Variants in LIPI observed in about 807,000 individuals in gnomAD.
The protein encoded by LIPI is lipase member I.
A neutral mutation model predicts 50.6 loss-of-function variants in LIPI; 59 were observed. That is an observed-to-expected ratio of 1.16 (90% CI 0.94 to 1.45). The LOEUF (loss-of-function observed/expected upper bound fraction) is 1.45, where lower values mean the gene tolerates loss of function less well. Ranked by LOEUF, LIPI falls within the 40% of genes most tolerant of loss-of-function variation. The probability of loss-of-function intolerance (pLI) is 0.00; values close to 1 mark genes in which losing one functional copy is unlikely to be tolerated. For missense variants in LIPI, 586 were observed against 536.3 expected (o/e 1.09, Z -0.92); for synonymous variants, 203 against 178.2 (o/e 1.14, Z -1.11).
rs763218560 is a variant in LIPI, at chr21:14,113,469, T to C, written c.1296-4389A>G. Among the ~76,000 whole-genome samples the C allele has an allele frequency of 8.7e-4, 132 of 152,148 alleles. 11 individuals are homozygous for C. Among genetic ancestry groups the C allele is most frequent in the Non-Finnish European group, 1.3e-4 (9 of 68,018 alleles). ...GAAAAAATCAGTGAACTTGATAACA[T>C]AGCAACAGAAACTATTCAAAATAAA... On this transcript the variant is annotated intron_variant, in intron 9 of 9. Transcript: ENST00000681601.
chr21:14,171,862 A>G (rs1413335189), intron 4 of LIPI, among the ~76,000 whole-genome samples: 1 of 149,978 alleles, frequency 6.7e-6, no homozygotes, highest in Non-Finnish European at 1.5e-5. Flanking sequence ...CAAAATTGAG[A>G]AATGGGATCT....
intron 4 of LIPI, among the ~76,000 whole-genome samples, chr21:14,172,676 T>C (rs1282958062): frequency 1.4e-5 from 2 of 140,670 alleles, no homozygotes; most frequent in African/African-American, 5.4e-5. Context: ...TGAGAACACA[T>C]GGACACAAGA....
intron 9 of LIPI, among the ~76,000 whole-genome samples, chr21:14,123,508 G>A (rs935936552): frequency 9.2e-5 from 14 of 152,196 alleles, no homozygotes; most frequent in African/African-American, 3.4e-4. Context: ...CAAAACAAGG[G>A]AAGATTTAAG....
chr21:14,152,832 C>T (rs1375278339), intron 7 of LIPI, 148 bp from the exon 8 acceptor site: 1 of 524,716 alleles, frequency 1.9e-6, no homozygotes, highest in African/African-American at 2.0e-5. Context: ...TGAGAGGACT[C>T]ATTTGGTAAA....
intron 9 of LIPI, among the ~76,000 whole-genome samples, chr21:14,118,282 G>C (rs2016731446): frequency 6.6e-6 from 1 of 152,082 alleles, no homozygotes; most frequent in Non-Finnish European, 1.5e-5. Flanking sequence ...GTAGGGCGCT[G>C]AAAAATAGAC....
At chr21:14,112,819 AC>A (rs2016468034) in intron 9 of LIPI, among the ~76,000 whole-genome samples, 1 of 152,248 alleles carries the variant, frequency 6.6e-6, no homozygotes, top group Admixed American at 6.5e-5. Flanking sequence ...AAAAAGAAAA[AC>A]TACTAATTCT....
intron 3 of LIPI, 91 bp downstream of exon 3, chr21:14,185,870 G>A (rs954605173): frequency 3.0e-5 from 22 of 727,716 alleles, no homozygotes; most frequent in Middle Eastern, 3.8e-4. Context: ...GCAACAGAGC[G>A]AGACTCTGTC....
intron 1 of LIPI, among the ~76,000 whole-genome samples, chr21:14,196,847 T>C (rs1326504249): frequency 1.3e-5 from 2 of 151,898 alleles, no homozygotes; most frequent in Non-Finnish European, 2.9e-5. Context: ...CAAAAAATAA[T>C]CAAAGTACAT....
At chr21:14,156,320 G>C (rs2018268081) in intron 7 of LIPI, among the ~76,000 whole-genome samples, 2 of 151,800 alleles carry the variant, frequency 1.3e-5, no homozygotes, top group Admixed American at 6.6e-5. Flanking sequence ...AAGAGGAAGA[G>C]GAAGACAAAA....
Position 14,181,754 on chromosome 21 carries a change from T to C in LIPI, c.643+4A>G. On this transcript the variant is annotated splice_donor_region_variant and intron_variant, in intron 4 of 9. Coordinates refer to ENST00000681601, the MANE Select transcript of LIPI (RefSeq NM_001302998.2). ...TAATTAGGTAATAAATCCTGATTTG[T>C]TACCATTGGAGTCAGAATGGATGAC... The C allele has an allele frequency of 6.4e-7, 1 of 1,551,898 alleles. No homozygotes were observed. The highest frequency in any genetic ancestry group is 8.9e-7 in the Non-Finnish European group (1 of 1,123,838).
At chr21:14,145,821 G>A (rs1220588343) in intron 8 of LIPI, among the ~76,000 whole-genome samples, 1 of 152,090 alleles carries the variant, frequency 6.6e-6, no homozygotes, top group South Asian at 2.1e-4. Flanking sequence ...GTAACTAGTA[G>A]GGCACCCAGC....
chr21:14,145,345 A>G (rs1396357837), intron 8 of LIPI, among the ~76,000 whole-genome samples: 1 of 152,160 alleles, frequency 6.6e-6, no homozygotes, highest in Non-Finnish European at 1.5e-5. Flanking sequence ...TACTATGAGT[A>G]TTACCATTTT....
chr21:14,146,972 T>C (rs2017931061), intron 8 of LIPI, among the ~76,000 whole-genome samples: 1 of 151,778 alleles, frequency 6.6e-6, no homozygotes, highest in African/African-American at 2.4e-5. Context: ...AGAGACAGGG[T>C]TTCACCATAT....
chr21:14,209,848 C>T (rs1302396810), intron 1 of LIPI, among the ~76,000 whole-genome samples: 2 of 151,942 alleles, frequency 1.3e-5, no homozygotes, highest in African/African-American at 2.4e-5. Flanking sequence ...GAAGGTGCCA[C>T]TATTTTACAT....
intron 9 of LIPI, 143 bp downstream of exon 9, chr21:14,144,480 G>A (rs1409951937): frequency 6.3e-6 from 3 of 479,762 alleles, no homozygotes; most frequent in Non-Finnish European, 1.1e-5. Flanking sequence ...ACCTTTTTGA[G>A]ATTCTAATAT....
At chr21:14,124,139 A>G (rs944962113) in intron 9 of LIPI, among the ~76,000 whole-genome samples, 1 of 152,164 alleles carries the variant, frequency 6.6e-6, no homozygotes, top group Non-Finnish European at 1.5e-5. Flanking sequence ...CCTCTTCAGA[A>G]GCATCCAGTC....
chr21:14,123,266 A>G (rs1568834522), intron 9 of LIPI, among the ~76,000 whole-genome samples: 1 of 152,248 alleles, frequency 6.6e-6, no homozygotes, highest in Admixed American at 6.5e-5. Flanking sequence ...GTCTAAGAAC[A>G]AGACACAGTG....
intron 7 of LIPI, among the ~76,000 whole-genome samples, chr21:14,155,068 G>GA (rs777605963): frequency 6.6e-6 from 1 of 151,650 alleles, no homozygotes; most frequent in Non-Finnish European, 1.5e-5. Flanking sequence ...GAAAAAATGA[G>GA]AAAAAATTAA....
At chr21:14,198,308 G>A (rs371739432) in intron 1 of LIPI, among the ~76,000 whole-genome samples, 3 of 152,120 alleles carry the variant, frequency 2.0e-5, no homozygotes, top group East Asian at 3.9e-4. Context: ...TGCCCCAATT[G>A]AAAGACACAG....
Sources: gnomAD v4.1 joint callset for allele counts (sites outside exome capture counted in the v4.1 genomes callset) on GRCh38, gnomAD v4.1.1 for gene constraint, MANE v1.5 for transcripts, NCBI Gene and HGNC (gene_info 2026-07-23, HGNC 2026-07-21) for gene names.